LAMC1: variants seen among roughly 807,000 people sequenced by gnomAD.
LAMC1 encodes the protein laminin subunit gamma 1.
In LAMC1, 38 loss-of-function variants were observed where a neutral mutation model predicts 173.6. The ratio of observed to expected loss-of-function variants is 0.22; its 90% CI spans 0.17 to 0.29. The LOEUF is 0.29. Ranked by LOEUF, LAMC1 falls within the 10% of genes least tolerant of loss-of-function variation. LAMC1 has a pLI of 1.00. For missense variants in LAMC1, 1,824 were observed against 2,051.8 expected (o/e 0.89, Z 2.14); for synonymous variants, 746 against 749.1 (o/e 1.00, Z 0.07).
At chr1:183,084,186 C>T (rs1655362272) in intron 1 of LAMC1, among the ~76,000 whole-genome samples, 1 of 151,948 alleles carries the variant, frequency 6.6e-6, no homozygotes, top group Admixed American at 6.6e-5. Context: ...GTAAAAAATA[C>T]AAAAAATTAG....
In LAMC1 at chr1:183,142,719, C is replaced by T. The variant is rs746805266; in HGVS notation, c.4759C>T (p.Arg1587Cys). ...RDIEEIMKDIRNLEDIRKTLP... is the reference protein window; with the variant it reads ...RDIEEIMKDICNLEDIRKTLP... ...TATCGAGGAGATCATGAAGGACATT[C>T]GCAATCTGGAGGACATCAGGAAGAC... Residue 1587 changes from arginine (R) to cysteine (C), a missense_variant, in exon 28 of 28, where the codon CGC becomes TGC. By Grantham distance (180) the Arg-to-Cys change is radical. Transcript: ENST00000258341. 1.2e-5 allele frequency: 19 copies of T among 1,613,866 alleles called. No homozygotes were observed. The East Asian group carries it at 1.3e-4, about 11-fold the overall frequency.
chr1:183,050,229 C>T (rs1395742562), intron 1 of LAMC1, among the ~76,000 whole-genome samples: 1 of 144,750 alleles, frequency 6.9e-6, no homozygotes, highest in African/African-American at 2.6e-5. Flanking sequence ...TGTAATAGTT[C>T]TTTGATATAT....
intron 1 of LAMC1, among the ~76,000 whole-genome samples, chr1:183,063,810 A>G (rs1415934221): frequency 6.6e-6 from 1 of 152,226 alleles, no homozygotes; most frequent in Middle Eastern, 3.4e-3. Context: ...AATCTTCCCC[A>G]GGTGGTTTTG....
intron 2 of LAMC1, 113 bp downstream of exon 2, chr1:183,103,745 A>G: frequency 1.2e-6 from 1 of 842,590 alleles, no homozygotes; most frequent in Non-Finnish European, 1.8e-6. Context: ...GTCAGAGTAG[A>G]ATACTTGAGC....
At chr1:183,132,322 A>T (rs1287277910) in intron 20 of LAMC1, 78 bp from the exon 21 acceptor site, 4 of 916,020 alleles carry the variant, frequency 4.4e-6, no homozygotes. Flanking sequence ...ATAATAATAA[A>T]GTAAGCATTA....
At chr1:183,073,034 T>C (rs950977262) in intron 1 of LAMC1, among the ~76,000 whole-genome samples, 4 of 152,226 alleles carry the variant, frequency 2.6e-5, no homozygotes, top group African/African-American at 9.6e-5. Flanking sequence ...ATAAATGTAA[T>C]GTGCTTGAAT....
chr1:183,098,086 C>T (rs1039596569), intron 1 of LAMC1, among the ~76,000 whole-genome samples: 2 of 152,160 alleles, frequency 1.3e-5, no homozygotes, highest in Non-Finnish European at 2.9e-5. Flanking sequence ...CTTTCACTTG[C>T]TCCCGCAGCA....
chr1:183,121,899 C>G lies in LAMC1; in HGVS notation c.2167C>G (p.Leu723Val). 2.5e-6 allele frequency: 4 copies of G among 1,614,200 alleles called. No individual in the cohort carries two copies. In the South Asian group the frequency reaches 4.4e-5, roughly 18 times the overall value. ...TCTTGGACCATACAGTCCATGTGTG[C>G]TTTGCGCCTGCAATGGACACAGCGA... is the stretch of plus-strand genomic sequence containing the variant. ...PNLGPYSPCV[L>V]CACNGHSETC... The change falls in exon 12 of 28, where the codon CTT (leucine) becomes GTT (valine). Residue 723 changes from leucine to valine, a missense_variant. Physicochemically the swap from Leu to Val is conservative, Grantham distance 32 (BLOSUM62 1). Transcript: ENST00000258341.
chr1:183,112,715 GAGGGA>G (rs1656195944), intron 4 of LAMC1, among the ~76,000 whole-genome samples: 1 of 152,154 alleles, frequency 6.6e-6, no homozygotes, highest in African/African-American at 2.4e-5. Context: ...TTGGTGGATT[GAGGGA>G]TAAGCTAGGG....
rs1656691660 is a variant in LAMC1, at chr1:183,128,641, A to C, written c.3171A>C (p.Ala1057=). The C allele has an allele frequency of 6.2e-7, 1 of 1,613,604 alleles. No individual in the cohort carries two copies. The highest frequency in any genetic ancestry group is 1.3e-5 in the African/African-American group (1 of 74,888). ...VKLQELESLI[A]NLGTGDEMVT... ...TCCAGGAATTAGAGAGTCTCATAGCAAACCTTGGAACTGGGGATGAGATGG... is the reference window on the plus strand; with the variant it reads ...TCCAGGAATTAGAGAGTCTCATAGCCAACCTTGGAACTGGGGATGAGATGG... Residue 1057 remains alanine (A), a synonymous_variant, in exon 18 of 28, where the codon GCA becomes GCC. Transcript: ENST00000258341.
At chr1:183,078,147 A>C (rs1358163517) in intron 1 of LAMC1, among the ~76,000 whole-genome samples, 1 of 152,106 alleles carries the variant, frequency 6.6e-6, no homozygotes, top group Non-Finnish European at 1.5e-5. Flanking sequence ...CTGCATCTGG[A>C]GATAAGATGT....
chr1:183,098,585 T>C (rs989654823), intron 1 of LAMC1, among the ~76,000 whole-genome samples: 3 of 152,242 alleles, frequency 2.0e-5, no homozygotes, highest in African/African-American at 7.2e-5. Context: ...TCTAGTCAGC[T>C]ACCTTTGCTG....
At position 183,121,923 on chromosome 1, in the gene LAMC1, G is replaced by C. The variant is rs2230157; in HGVS notation, c.2191G>C (p.Glu731Gln). 9 of 1,614,110 alleles carry C rather than the reference G, an allele frequency of 5.6e-6. No individual in the cohort carries two copies. The African/African-American group carries it at 8.0e-5, about 14-fold the overall frequency. Residue 731 changes from glutamate to glutamine, a missense_variant, in exon 12 of 28, where the codon GAG becomes CAG. Glu to Gln is a conservative substitution (Grantham distance 29). Transcript: ENST00000258341. Reference protein sequence around the residue: ...CVLCACNGHSETCDPETGVCN... With the variant: ...CVLCACNGHSQTCDPETGVCN... ...GCTTTGCGCCTGCAATGGACACAGC[G>C]AGACCTGTGATCCTGAGACAGGTGA... is the stretch of plus-strand genomic sequence containing the variant.
At chr1:183,099,271 G>A (rs1302466823) in intron 1 of LAMC1, among the ~76,000 whole-genome samples, 2 of 151,998 alleles carry the variant, frequency 1.3e-5, no homozygotes, top group African/African-American at 2.4e-5. Context: ...TGAATTTTTA[G>A]GAGAGACAGG....
At chr1:183,130,290 A>T in intron 18 of LAMC1, 54 bp from the exon 19 acceptor site, 1 of 1,452,774 alleles carries the variant, frequency 6.9e-7, no homozygotes, top group South Asian at 1.2e-5. Flanking sequence ...TTCATGTGAG[A>T]TGATATGATC....
chr1:183,087,393 A>G (rs1004914660), intron 1 of LAMC1, among the ~76,000 whole-genome samples: 1 of 152,198 alleles, frequency 6.6e-6, no homozygotes, highest in African/African-American at 2.4e-5. Flanking sequence ...CCGGGCCCTC[A>G]AAATCTTACG....
rs540700259 is a variant in LAMC1 at position 183,059,946 on chromosome 1, T to G, written c.418+35812T>G. ...GACACGTTGGAAGTTTCTGGCACTG[T>G]GTAGGGGACATCACATGTTCCATGA... On this transcript the variant is annotated intron_variant, in intron 1 of 27. Transcript: ENST00000258341. Among the ~76,000 whole-genome samples the G allele has an allele frequency of 5.4e-4, 82 of 152,270 alleles. 1 individual carries two copies. In the South Asian group the frequency reaches 0.015, roughly 28 times the overall value.
chr1:183,083,678 A>C (rs1036545112), intron 1 of LAMC1, among the ~76,000 whole-genome samples: 16 of 152,354 alleles, frequency 1.1e-4, no homozygotes, highest in African/African-American at 3.1e-4. Flanking sequence ...TGAAATAATC[A>C]GATGTATATT....
rs1175389916 is a variant in LAMC1 at position 183,023,494 on chromosome 1, C to A, written c.-223C>A. 1 of 226,604 alleles carries A rather than the reference C, an allele frequency of 4.4e-6. No individual in the cohort carries two copies. The allele number at this position is 226,604 out of a possible 1,614,324, so 14.0% of individuals were successfully genotyped here. A position where few individuals can be genotyped will look rare whatever the true frequency, so the allele number is the denominator to read the frequency against. ...GCTCCCGGGGTAGGTGAGGGAAGCGCGGAGGCGGCGCGCGGGGGCAGTGGT... is the reference window on the plus strand; with the variant it reads ...GCTCCCGGGGTAGGTGAGGGAAGCGAGGAGGCGGCGCGCGGGGGCAGTGGT... On this transcript the variant is annotated 5_prime_UTR_variant, in exon 1 of 28. Coordinates refer to ENST00000258341, the MANE Select transcript of LAMC1 (RefSeq NM_002293.4).
Sources: gnomAD v4.1 joint callset for allele counts (sites outside exome capture counted in the v4.1 genomes callset) on GRCh38, gnomAD v4.1.1 for gene constraint, MANE v1.5 for transcripts, NCBI Gene and HGNC (gene_info 2026-07-23, HGNC 2026-07-21) for gene names.